Variants in SLC9A9 observed in about 807,000 individuals in gnomAD.
SLC9A9 encodes the protein solute carrier family 9 member A9.
SLC9A9 carries 62 observed loss-of-function variants against 77.8 expected under a neutral mutation model. The ratio of observed to expected loss-of-function variants is 0.80; its 90% CI spans 0.65 to 0.98. SLC9A9 has a LOEUF of 0.98. SLC9A9 is among the 50% of genes least tolerant of loss of function. The pLI is 0.00. For synonymous variants in SLC9A9, 320 were observed against 283.5 expected (o/e 1.13, Z -1.29); for missense variants, 775 against 774.9 (o/e 1.00, Z 0.00).
At chr3:143,312,981 C>T (rs1225642042) in intron 14 of SLC9A9, 2 of 152,202 alleles carry the variant, frequency 1.3e-5, no homozygotes, top group South Asian at 4.1e-4. Context: ...AGAAAGCTAA[C>T]TAATTCCTCC....
At chr3:143,790,837 C>T (rs564832711) in intron 4 of SLC9A9, among the ~76,000 whole-genome samples, 1 of 152,260 alleles carries the variant, frequency 6.6e-6, no homozygotes, top group Admixed American at 6.5e-5. Flanking sequence ...CATTCAATGT[C>T]CCTTTCTTTA....
intron 14 of SLC9A9, among the ~76,000 whole-genome samples, chr3:143,311,420 G>A (rs1051871227): frequency 2.0e-5 from 3 of 152,178 alleles, no homozygotes; most frequent in Admixed American, 6.5e-5. Flanking sequence ...CCTGAACCCA[G>A]CATTCTTATT....
chr3:143,283,787 A>G (rs902301648), intron 14 of SLC9A9, among the ~76,000 whole-genome samples: 8 of 152,206 alleles, frequency 5.3e-5, no homozygotes, highest in African/African-American at 9.6e-5. Context: ...CATATCCACC[A>G]TATCAACACA....
intron 12 of SLC9A9, among the ~76,000 whole-genome samples, chr3:143,456,335 TA>T (rs1036226492): frequency 6.6e-6 from 1 of 152,150 alleles, no homozygotes; most frequent in Non-Finnish European, 1.5e-5. Context: ...TCTATGTGTA[TA>T]AAAAAGATTG....
intron 6 of SLC9A9, among the ~76,000 whole-genome samples, chr3:143,624,077 T>A (rs1299475023): frequency 5.9e-5 from 9 of 152,178 alleles, no homozygotes; most frequent in Non-Finnish European, 2.9e-5. Flanking sequence ...AGAAGTTGAA[T>A]CTCTGAATAG....
chr3:143,356,704 G>A (rs981224061), intron 14 of SLC9A9, among the ~76,000 whole-genome samples: 1 of 152,044 alleles, frequency 6.6e-6, no homozygotes, highest in Non-Finnish European at 1.5e-5. Flanking sequence ...TTGTAGAGGT[G>A]GGGTCTTGCT....
intron 6 of SLC9A9, among the ~76,000 whole-genome samples, chr3:143,593,332 A>G (rs2037688279): frequency 6.6e-6 from 1 of 152,136 alleles, no homozygotes; most frequent in South Asian, 2.1e-4. Flanking sequence ...TTTCTTTTGT[A>G]TTACCATTCT....
chr3:143,783,843 C>T (rs2007960774), intron 4 of SLC9A9, among the ~76,000 whole-genome samples: 3 of 152,140 alleles, frequency 2.0e-5, no homozygotes, highest in South Asian at 2.1e-4. Flanking sequence ...CTCCAAGGCC[C>T]GGGAAAGGTG....
At chr3:143,833,094 T>C (rs2009478573) in intron 1 of SLC9A9, among the ~76,000 whole-genome samples, 1 of 152,182 alleles carries the variant, frequency 6.6e-6, no homozygotes, top group South Asian at 2.1e-4. Flanking sequence ...TTTTTAAATG[T>C]AGATTTATTA....
chr3:143,831,671 T>G (rs976047756), intron 2 of SLC9A9, among the ~76,000 whole-genome samples: 1 of 152,248 alleles, frequency 6.6e-6, no homozygotes, highest in African/African-American at 2.4e-5. Flanking sequence ...TGGCATTATA[T>G]ACAACGGTGC....
At chr3:143,266,995 A>ATTTTT in intron 15 of SLC9A9, 66 bp from the exon 16 acceptor site, 2 of 1,233,630 alleles carry the variant, frequency 1.6e-6, no homozygotes, top group African/African-American at 1.6e-5. Flanking sequence ...CAGTCCTACA[A>ATTTTT]TTTTTTTTTT....
intron 14 of SLC9A9, among the ~76,000 whole-genome samples, chr3:143,297,387 C>T (rs1416476277): frequency 6.6e-6 from 1 of 152,090 alleles, no homozygotes; most frequent in Non-Finnish European, 1.5e-5. Context: ...TATTTTGGTC[C>T]ATTTGTTTGT....
intron 4 of SLC9A9, among the ~76,000 whole-genome samples, chr3:143,701,803 T>C (rs1933809159): frequency 6.6e-6 from 1 of 152,110 alleles, no homozygotes; most frequent in Non-Finnish European, 1.5e-5. Flanking sequence ...AATATCCAAG[T>C]ACAAGAATGT....
chr3:143,302,922 G>A (rs998498777), intron 14 of SLC9A9, among the ~76,000 whole-genome samples: 15 of 152,252 alleles, frequency 9.9e-5, no homozygotes, highest in African/African-American at 2.9e-4. Flanking sequence ...TCCCTCCCAC[G>A]TTACAAGTCC....
chr3:143,824,301 A>C (rs548401309), intron 2 of SLC9A9, among the ~76,000 whole-genome samples: 2 of 151,582 alleles, frequency 1.3e-5, no homozygotes, highest in East Asian at 3.9e-4. Flanking sequence ...GGAAAAAAAA[A>C]CCAAAAAACC....
chr3:143,286,792 A>G (rs1221122294), intron 14 of SLC9A9, among the ~76,000 whole-genome samples: 1 of 152,166 alleles, frequency 6.6e-6, no homozygotes, highest in Non-Finnish European at 1.5e-5. Context: ...CAGGAAGCAA[A>G]TAACTCAGAT....
intron 6 of SLC9A9, among the ~76,000 whole-genome samples, chr3:143,635,803 C>T (rs910916931): frequency 5.9e-5 from 9 of 152,184 alleles, no homozygotes; most frequent in African/African-American, 2.2e-4. Context: ...ACAGACTTGG[C>T]TCAGCATCTT....
chr3:143,792,288 C>T (rs12233446), intron 4 of SLC9A9, among the ~76,000 whole-genome samples: 22,258 of 152,134 alleles, frequency 0.15, 1,923 homozygotes, highest in South Asian at 0.29. Flanking sequence ...ATGGAAGTTA[C>T]CAAGTTATGA....
At chr3:143,765,067 TTTTCTCTCTTTCTTTTTC>T (rs1466395203) in intron 4 of SLC9A9, among the ~76,000 whole-genome samples, 1 of 147,718 alleles carries the variant, frequency 6.8e-6, no homozygotes, top group Non-Finnish European at 1.5e-5. Context: ...CTTTCCCTCT[TTTTCTCTCTTTCTTTTTC>T]TTTCTCTCTT....
Sources: gnomAD v4.1 joint callset for allele counts (sites outside exome capture counted in the v4.1 genomes callset) on GRCh38, gnomAD v4.1.1 for gene constraint, MANE v1.5 for transcripts, NCBI Gene and HGNC (gene_info 2026-07-23, HGNC 2026-07-21) for gene names.